PKP4: variants seen among roughly 807,000 people sequenced by gnomAD.
PKP4 encodes the protein plakophilin-4.
A neutral mutation model predicts 145.1 loss-of-function variants in PKP4; 90 were observed. The observed-to-expected ratio is 0.62, with a 90% CI of 0.52 to 0.74. The LOEUF is 0.74. PKP4 is among the 30% of genes least tolerant of loss of function. The pLI is 0.00. For synonymous variants in PKP4, 563 were observed against 577.2 expected, an observed-to-expected ratio of 0.98 and a Z score of 0.35; for missense variants, 1,340 against 1,482.7, an observed-to-expected ratio of 0.90 and a Z score of 1.58.
At chr2:158,492,702 C>T (rs1342269024) in intron 1 of PKP4, among the ~76,000 whole-genome samples, 2 of 152,216 alleles carry the variant, frequency 1.3e-5, no homozygotes, top group African/African-American at 2.4e-5. Context: ...GTCTTTCTGA[C>T]TCTTACTACT....
chr2:158,564,663 C>T (rs1003392251), intron 2 of PKP4, among the ~76,000 whole-genome samples: 4 of 152,108 alleles, frequency 2.6e-5, no homozygotes, highest in African/African-American at 9.7e-5. Context: ...GGCTGTTAAC[C>T]GCTTTTTTAA....
At chr2:158,510,007 C>G (rs192784572) in intron 1 of PKP4, among the ~76,000 whole-genome samples, 261 of 151,968 alleles carry the variant, frequency 1.7e-3, no homozygotes, top group Non-Finnish European at 2.9e-3. Flanking sequence ...GTGTTATTTC[C>G]TGCTAATGGA....
chr2:158,570,085 T>A (rs1303228133), intron 2 of PKP4, among the ~76,000 whole-genome samples: 2 of 152,208 alleles, frequency 1.3e-5, no homozygotes, highest in Non-Finnish European at 2.9e-5. Flanking sequence ...GACTACCAAG[T>A]AGACATAATA....
At chr2:158,491,279 G>T (rs1694896873) in intron 1 of PKP4, among the ~76,000 whole-genome samples, 1 of 152,176 alleles carries the variant, frequency 6.6e-6, no homozygotes, top group Admixed American at 6.5e-5. Flanking sequence ...CCTAGCACCA[G>T]AATTGCTGCA....
chr2:158,587,575 A>C (rs1044084873), intron 3 of PKP4, among the ~76,000 whole-genome samples: 1 of 152,050 alleles, frequency 6.6e-6, no homozygotes, highest in Non-Finnish European at 1.5e-5. Context: ...TCATAAAAGC[A>C]ACAATGCTCT....
At chr2:158,597,887 G>A (rs1053224420) in intron 3 of PKP4, among the ~76,000 whole-genome samples, 1 of 152,142 alleles carries the variant, frequency 6.6e-6, no homozygotes, top group African/African-American at 2.4e-5. Context: ...GCTCACTGCA[G>A]CCTTGCTTGC....
At chr2:158,557,639 TCATAA>T (rs1401217075) in intron 2 of PKP4, among the ~76,000 whole-genome samples, 1 of 152,242 alleles carries the variant, frequency 6.6e-6, no homozygotes, top group African/African-American at 2.4e-5. Flanking sequence ...TTTATGTCAT[TCATAA>T]CATAATACTA....
chr2:158,680,575 G>A lies in PKP4; in HGVS notation c.3477G>A (p.Gln1159=), dbSNP rs1354792127. The change falls in exon 22 of 22, where the codon CAG becomes CAA. Residue 1159 remains glutamine, a synonymous_variant. Coordinates refer to ENST00000389759, the MANE Select transcript of PKP4 (RefSeq NM_003628.6). ...CAGCTTCTACTGATTACTCAACACA[G>A]TATGGACTGAAATCGACCACAAATT... ...HFPASTDYST[Q]YGLKSTTNYV... is the part of the protein sequence containing the mutation. The A allele has an allele frequency of 6.2e-7, 1 of 1,614,020 alleles. No homozygotes were observed. The highest frequency in any genetic ancestry group is 1.1e-5 in the South Asian group (1 of 91,084).
chr2:158,579,076 C>A (rs1363394942), intron 3 of PKP4, among the ~76,000 whole-genome samples: 1 of 152,136 alleles, frequency 6.6e-6, no homozygotes, highest in Non-Finnish European at 1.5e-5. Context: ...GATTAGCAAA[C>A]CCCAGGCTTC....
chr2:158,569,952 A>G (rs2047288730), intron 2 of PKP4, among the ~76,000 whole-genome samples: 1 of 152,248 alleles, frequency 6.6e-6, no homozygotes, highest in Non-Finnish European at 1.5e-5. Context: ...TGGTGTTCTC[A>G]GTTTGAGAAA....
At chr2:158,628,049 C>T (rs1354637785) in intron 7 of PKP4, among the ~76,000 whole-genome samples, 2 of 151,714 alleles carry the variant, frequency 1.3e-5, no homozygotes, top group African/African-American at 2.4e-5. Flanking sequence ...GGCACGCTCT[C>T]GGCTCACTGC....
chr2:158,581,201 C>T (rs1199517869), intron 3 of PKP4, among the ~76,000 whole-genome samples: 1 of 152,112 alleles, frequency 6.6e-6, no homozygotes, highest in Admixed American at 6.5e-5. Context: ...AGACCCAGGC[C>T]CCCTTTCCGG....
At chr2:158,469,063 A>G (rs1396713912) in intron 1 of PKP4, among the ~76,000 whole-genome samples, 4 of 150,856 alleles carry the variant, frequency 2.7e-5, no homozygotes, top group Admixed American at 2.6e-4. Flanking sequence ...ACAGGCATGA[A>G]CCACCATACC....
chr2:158,614,101 A>G (rs939180218), intron 4 of PKP4, among the ~76,000 whole-genome samples: 5 of 152,180 alleles, frequency 3.3e-5, no homozygotes, highest in Non-Finnish European at 5.9e-5. Flanking sequence ...TGAACACACT[A>G]TATGGCATTA....
chr2:158,627,464 A>G (rs2052909828), intron 7 of PKP4, among the ~76,000 whole-genome samples: 1 of 151,508 alleles, frequency 6.6e-6, no homozygotes, highest in South Asian at 2.1e-4. Context: ...GAAAATATAT[A>G]TAATGTCTAT....
intron 2 of PKP4, among the ~76,000 whole-genome samples, chr2:158,539,644 A>G (rs191868357): frequency 1.3e-5 from 2 of 152,252 alleles, no homozygotes; most frequent in Admixed American, 1.3e-4. Context: ...TTACCGTGTA[A>G]CCCACAGTGA....
At chr2:158,507,718 A>G (rs1342697748) in intron 1 of PKP4, among the ~76,000 whole-genome samples, 1 of 152,048 alleles carries the variant, frequency 6.6e-6, no homozygotes, top group Non-Finnish European at 1.5e-5. Context: ...TTTTTCTCTC[A>G]CACATTTCAA....
At chr2:158,622,713 T>G (rs2052371868) in intron 6 of PKP4, among the ~76,000 whole-genome samples, 1 of 152,200 alleles carries the variant, frequency 6.6e-6, no homozygotes, top group Non-Finnish European at 1.5e-5. Flanking sequence ...TTTTTCAAGC[T>G]AAAATGGGAA....
At chr2:158,577,653 G>C (rs1013211081) in intron 3 of PKP4, among the ~76,000 whole-genome samples, 4 of 152,102 alleles carry the variant, frequency 2.6e-5, no homozygotes, top group African/African-American at 9.7e-5. Flanking sequence ...ACAGTTAATG[G>C]GTGTTGTCGT....
Sources: allele counts gnomAD v4.1 joint callset (sites outside exome capture counted in the v4.1 genomes callset), GRCh38; gene constraint gnomAD v4.1.1; transcripts MANE v1.5; gene names NCBI Gene and HGNC (gene_info 2026-07-23, HGNC 2026-07-21).